The following KBTBD2 variants were observed in gnomAD, a reference collection of about 807,000 sequenced individuals.
The protein encoded by KBTBD2 is kelch repeat and BTB domain-containing protein 2.
Under a neutral mutation model 57.1 loss-of-function variants are expected in KBTBD2, and 17 were observed. The observed-to-expected ratio is 0.30, with a 90% CI of 0.20 to 0.45. The LOEUF is 0.45. Ranked by LOEUF, KBTBD2 falls within the 20% of genes least tolerant of loss-of-function variation. The pLI, the probability that KBTBD2 is intolerant of heterozygous loss-of-function variation, is 1.00. For missense variants in KBTBD2, 515 were observed against 750.6 expected (o/e 0.69, Z 3.67); for synonymous variants, 267 against 262.7 (o/e 1.02, Z -0.16).
rs369082376 is a variant in KBTBD2, at chr7:32,874,943, C to G, written c.336+49G>C. 2.6e-6 allele frequency: 4 copies of G among 1,550,362 alleles called. No individual in the cohort carries two copies. The South Asian group carries it at 4.6e-5, about 18-fold the overall frequency. On this transcript the variant is annotated intron_variant, in intron 3 of 3. Transcript: ENST00000304056. Reference sequence around the variant, plus strand: ...CGGAGATCGTGCCACTGCACTCCAGCCTGGGCAACAGAGAGAGACTCCGTC... The same window carrying G: ...CGGAGATCGTGCCACTGCACTCCAGGCTGGGCAACAGAGAGAGACTCCGTC...
rs1428129751 is a variant in KBTBD2, at chr7:32,869,650, G to A, written c.1567C>T (p.Pro523Ser). ...ANIPAKRYSD[P>S]CVRAVVISNS... ...GAGATCACAACAGCTCTAACACAGG[G>A]GTCAGAGTACCTCTTAGCAGGGATG... Residue 523 changes from proline to serine, a missense_variant, in exon 4 of 4, where the codon CCC (proline) becomes TCC (serine). Pro to Ser is a moderately conservative substitution (Grantham distance 74). Transcript: ENST00000304056. 1 of 1,614,020 alleles carries A rather than the reference G, an allele frequency of 6.2e-7. No homozygotes were observed. Among genetic ancestry groups the A allele is most frequent in the Admixed American group, 1.7e-5 (1 of 60,006 alleles).
chr7:32,883,363 G>A (rs1361326798), intron 1 of KBTBD2, among the ~76,000 whole-genome samples: 1 of 152,150 alleles, frequency 6.6e-6, no homozygotes, highest in East Asian at 1.9e-4. Context: ...TTCCAGCCTG[G>A]GCAACACAGC....
intron 1 of KBTBD2, among the ~76,000 whole-genome samples, chr7:32,889,292 T>TA (rs565823381): frequency 0.12 from 16,438 of 138,212 alleles, 943 homozygotes; most frequent in East Asian, 0.17. Flanking sequence ...CTCCGTCTCT[T>TA]AAAAAAAAAA....
At chr7:32,887,413 A>G (rs879463238) in intron 1 of KBTBD2, among the ~76,000 whole-genome samples, 2 of 152,258 alleles carry the variant, frequency 1.3e-5, no homozygotes, top group Admixed American at 6.5e-5. Context: ...AAAAATAAGT[A>G]CATGAGGTGA....
intron 3 of KBTBD2, among the ~76,000 whole-genome samples, chr7:32,871,843 C>G (rs993195376): frequency 9.0e-6 from 1 of 110,708 alleles, no homozygotes; most frequent in Non-Finnish European, 1.7e-5. Flanking sequence ...GCTTCCAGGG[C>G]AACACAGTCT....
intron 1 of KBTBD2, among the ~76,000 whole-genome samples, chr7:32,882,734 A>G (rs2127954741): frequency 6.6e-6 from 1 of 152,364 alleles, no homozygotes. Context: ...CTGGAATCCC[A>G]GCACTTTGGG....
At chr7:32,877,453 A>G (rs574558977) in intron 2 of KBTBD2, among the ~76,000 whole-genome samples, 2 of 152,360 alleles carry the variant, frequency 1.3e-5, no homozygotes, top group African/African-American at 4.8e-5. Flanking sequence ...TATTAAAACT[A>G]TTATTCAGAG....
chr7:32,883,430 C>T (rs1242272608), intron 1 of KBTBD2, among the ~76,000 whole-genome samples: 5 of 152,084 alleles, frequency 3.3e-5, no homozygotes, highest in Non-Finnish European at 5.9e-5. Context: ...AAGTTTAGGA[C>T]GATCAACCAA....
At position 32,868,932 on chromosome 7, in the gene KBTBD2, T is replaced by C. The variant is rs966099613; in HGVS notation, c.*413A>G. 6.3e-6 allele frequency: 1 copy of C among 159,430 alleles called. No homozygotes were observed. The highest frequency in any genetic ancestry group is 2.4e-5 in the African/African-American group (1 of 41,502). 9.9% of individuals were successfully genotyped at this position (159,430 alleles called of 1,614,324 possible). ...GTTGAATTAATTACACTGAAAACTGTATTCCAGGACTTCAGAACAGAAGCA... is the reference window on the plus strand; with the variant it reads ...GTTGAATTAATTACACTGAAAACTGCATTCCAGGACTTCAGAACAGAAGCA... On this transcript the variant is annotated 3_prime_UTR_variant, in exon 4 of 4. Coordinates refer to ENST00000304056, the MANE Select transcript of KBTBD2 (RefSeq NM_015483.3).
At chr7:32,890,464 T>C (rs147647094) in intron 1 of KBTBD2, among the ~76,000 whole-genome samples, 1 of 152,272 alleles carries the variant, frequency 6.6e-6, no homozygotes, top group East Asian at 1.9e-4. Context: ...CTAAGACCCA[T>C]ACTACTCAAA....
chr7:32,888,306 A>C (rs1278673584), intron 1 of KBTBD2, among the ~76,000 whole-genome samples: 2 of 152,156 alleles, frequency 1.3e-5, no homozygotes, highest in African/African-American at 4.8e-5. Flanking sequence ...GGCTGATGTC[A>C]GTGTAAAAAA....
In KBTBD2 at chr7:32,869,797, T is replaced by C; in HGVS notation, c.1420A>G (p.Ile474Val). 6.2e-7 allele frequency: 1 copy of C among 1,613,812 alleles called. No homozygotes were observed. Among genetic ancestry groups the C allele is most frequent in the African/African-American group, 1.3e-5 (1 of 74,888 alleles). Reference protein sequence around the residue: ...AAAFGDKIFYIGGLHIATNSG... With the variant: ...AAAFGDKIFYVGGLHIATNSG... Reference sequence around the variant, plus strand: ...TTGGTAGCAATATGCAACCCTCCAATATAGAAAATTTTATCACCAAAAGCT... The same window carrying C: ...TTGGTAGCAATATGCAACCCTCCAACATAGAAAATTTTATCACCAAAAGCT... The change falls in exon 4 of 4, where the codon ATT (isoleucine) becomes GTT (valine). Residue 474 changes from isoleucine (I) to valine (V), a missense_variant. Coordinates refer to ENST00000304056, the MANE Select transcript of KBTBD2 (RefSeq NM_015483.3).
chr7:32,889,976 T>C (rs1414079401), intron 1 of KBTBD2, among the ~76,000 whole-genome samples: 3 of 152,262 alleles, frequency 2.0e-5, no homozygotes, highest in East Asian at 1.9e-4. Flanking sequence ...AGCATGGACA[T>C]ATGTACTGAT....
intron 1 of KBTBD2, chr7:32,891,220 C>G (rs1583798817): frequency 1.3e-5 from 2 of 150,442 alleles, no homozygotes; most frequent in African/African-American, 2.4e-5. Context: ...CCGGGAGCCC[C>G]GCGGGCGCCG....
chr7:32,890,247 A>G (rs1342421374), intron 1 of KBTBD2, among the ~76,000 whole-genome samples: 1 of 152,202 alleles, frequency 6.6e-6, no homozygotes, highest in Non-Finnish European at 1.5e-5. Flanking sequence ...GGGCTTCAAT[A>G]AGCACTAAGC....
intron 1 of KBTBD2, among the ~76,000 whole-genome samples, chr7:32,882,434 G>A (rs1006520496): frequency 6.6e-6 from 1 of 152,060 alleles, no homozygotes; most frequent in African/African-American, 2.4e-5. Flanking sequence ...CCTCATTTAC[G>A]ACTGGGTTTT....
intron 2 of KBTBD2, among the ~76,000 whole-genome samples, chr7:32,875,871 G>C (rs1299075051): frequency 6.6e-6 from 1 of 152,134 alleles, no homozygotes. Context: ...TAGATTAGTA[G>C]TTCCTTAGAA....
intron 2 of KBTBD2, 111 bp from the exon 3 acceptor site, chr7:32,875,268 AAG>A (rs1464337167): frequency 6.9e-6 from 7 of 1,019,144 alleles, no homozygotes; most frequent in Non-Finnish European, 1.0e-5. Flanking sequence ...ATTTACTTAT[AAG>A]AGAAACTTTT....
rs140409767 is a variant in KBTBD2, at chr7:32,881,245, C to T, written c.-338-1303G>A. Among the ~76,000 whole-genome samples, 319 of 151,680 alleles carry T rather than the reference C, an allele frequency of 2.1e-3. 6 individuals carry two copies. The East Asian group carries it at 0.033, about 16-fold the overall frequency. On this transcript the variant is annotated intron_variant, in intron 1 of 3. Coordinates refer to ENST00000304056, the MANE Select transcript of KBTBD2 (RefSeq NM_015483.3). ...ACCTAGGCTTTAGTCATACTGCATA[C>T]CATTCATCAAAAAAAAAAACCAAAA...
Sources: gnomAD v4.1 joint callset for allele counts (sites outside exome capture counted in the v4.1 genomes callset) on GRCh38, gnomAD v4.1.1 for gene constraint, MANE v1.5 for transcripts, NCBI Gene and HGNC (gene_info 2026-07-23, HGNC 2026-07-21) for gene names.